The following MTMR2 variants were observed in gnomAD, a reference collection of about 807,000 sequenced individuals.
The protein encoded by MTMR2 is phosphatidylinositol-3,5-bisphosphate 3-phosphatase MTMR2.
Under a neutral mutation model 86.9 loss-of-function variants are expected in MTMR2, and 55 were observed. That is an observed-to-expected ratio of 0.63 (90% CI 0.51 to 0.79). The LOEUF is 0.79. Ranked by LOEUF, MTMR2 falls within the 30% of genes least tolerant of loss-of-function variation. The pLI, the probability that MTMR2 is intolerant of heterozygous loss-of-function variation, is 0.00. For missense variants in MTMR2, 659 were observed against 772.3 expected (o/e 0.85, Z 1.74); for synonymous variants, 241 against 266.8 (o/e 0.90, Z 0.94).
intron 12 of MTMR2, 68 bp downstream of exon 12, chr11:95,841,549 C>T (rs1222303265): frequency 1.7e-6 from 2 of 1,164,480 alleles, no homozygotes; most frequent in Non-Finnish European, 2.6e-6. Context: ...AATCAGTGAC[C>T]AAATCTCCCC....
intron 2 of MTMR2, among the ~76,000 whole-genome samples, chr11:95,868,628 T>A (rs1864728487): frequency 6.6e-6 from 1 of 152,028 alleles, no homozygotes; most frequent in Admixed American, 6.5e-5. Context: ...GTCCAATATA[T>A]AATTGATGTT....
intron 2 of MTMR2, among the ~76,000 whole-genome samples, chr11:95,875,144 C>T (rs1219872160): frequency 6.6e-6 from 1 of 152,166 alleles, no homozygotes; most frequent in Non-Finnish European, 1.5e-5. Flanking sequence ...TGTTGGCCTG[C>T]CTTGCTAGAT....
In MTMR2 at chr11:95,835,213, T is replaced by G. The variant is rs759874380; in HGVS notation, c.*77A>C. 1.8e-5 allele frequency: 27 copies of G among 1,461,380 alleles called. No homozygotes were observed. The highest frequency in any genetic ancestry group is 2.5e-5 in the Non-Finnish European group (26 of 1,047,512). The allele number at this position is 1,461,380 out of a possible 1,614,324, so 90.5% of individuals were successfully genotyped here. On this transcript the variant is annotated 3_prime_UTR_variant, in exon 15 of 15. Coordinates refer to ENST00000346299, the MANE Select transcript of MTMR2 (RefSeq NM_016156.6). ...TTTCTCTCATAGATGGGTTCTAAAT[T>G]CCGAAGACTTTCTACTCATAGAGCT...
rs1866163765 is a variant in MTMR2 at position 95,903,930 on chromosome 11, T to C, written c.81-15669A>G. 3.3e-5 allele frequency among the ~76,000 whole-genome samples: 5 copies of C among 152,160 alleles called. No individual in the cohort carries two copies. In the South Asian group the frequency reaches 8.3e-4, roughly 25 times the overall value. ...GAGATTGACACTACCCTGGCTAAGA[T>C]GGTGAAACCTCGTCTCTACTAAAAA... On this transcript the variant is annotated intron_variant, in intron 1 of 14. Coordinates refer to ENST00000346299, the MANE Select transcript of MTMR2 (RefSeq NM_016156.6).
At chr11:95,843,752 T>C (rs912058034) in intron 11 of MTMR2, among the ~76,000 whole-genome samples, 1 of 152,054 alleles carries the variant, frequency 6.6e-6, no homozygotes, top group African/African-American at 2.4e-5. Flanking sequence ...AAAATATTTT[T>C]TTTAGTTTAA....
In MTMR2 at chr11:95,877,331, C is replaced by CTTTTTTTTT. The variant is rs1565368414; in HGVS notation, c.186+10824_186+10825insAAAAAAAAA. On this transcript the variant is annotated intron_variant, in intron 2 of 14. Coordinates refer to ENST00000346299, the MANE Select transcript of MTMR2 (RefSeq NM_016156.6). ...CATTCAAGATCAAGCACAGGGAAGC[C>CTTTTTTTTT]CTTTTTTTTTTTTTTTTTTTTTTTT... Among the ~76,000 whole-genome samples the CTTTTTTTTT allele has an allele frequency of 3.6e-3, 342 of 94,676 alleles. 82 individuals are homozygous for CTTTTTTTTT. Among genetic ancestry groups the CTTTTTTTTT allele is most frequent in the African/African-American group, 0.011 (229 of 20,142 alleles). The allele number at this position is 94,676 out of a possible 152,430, so 62.1% of individuals were successfully genotyped here. A position where few individuals can be genotyped will look rare whatever the true frequency, so the allele number is the denominator to read the frequency against.
At chr11:95,895,126 A>T (rs532888659) in intron 1 of MTMR2, among the ~76,000 whole-genome samples, 15 of 152,148 alleles carry the variant, frequency 9.9e-5, no homozygotes, top group African/African-American at 3.4e-4. Flanking sequence ...AAGCATATCA[A>T]TAATACCATG....
intron 2 of MTMR2, among the ~76,000 whole-genome samples, chr11:95,882,015 T>G (rs1468018379): frequency 6.6e-6 from 1 of 152,188 alleles, no homozygotes; most frequent in Non-Finnish European, 1.5e-5. Context: ...GAGTTGATAT[T>G]GTTGGTAAGG....
Position 95,924,058 on chromosome 11 carries a change from A to G in MTMR2, c.-104T>C. 6.9e-7 allele frequency: 1 copy of G among 1,440,870 alleles called. No individual in the cohort carries two copies. The highest frequency in any genetic ancestry group is 1.2e-5 in the South Asian group (1 of 81,846). 89.3% of individuals were successfully genotyped at this position (1,440,870 alleles called of 1,614,324 possible). A position where few individuals can be genotyped will look rare whatever the true frequency, so the allele number is the denominator to read the frequency against. On this transcript the variant is annotated 5_prime_UTR_variant, in exon 1 of 15. Coordinates refer to ENST00000346299, the MANE Select transcript of MTMR2 (RefSeq NM_016156.6). ...TACGGACCGGGGCCGCAGTCAGGCCAGCGCCGGCCCGGGAGGGAGACCGGA... is the reference window on the plus strand; with the variant it reads ...TACGGACCGGGGCCGCAGTCAGGCCGGCGCCGGCCCGGGAGGGAGACCGGA...
intron 7 of MTMR2, among the ~76,000 whole-genome samples, chr11:95,853,735 T>C (rs1022499900): frequency 4.6e-5 from 7 of 152,242 alleles, no homozygotes; most frequent in Admixed American, 3.3e-4. Context: ...GACTTTATCA[T>C]TTTGTTTCAT....
chr11:95,923,123 C>G (rs984585194), intron 1 of MTMR2, among the ~76,000 whole-genome samples: 2 of 152,310 alleles, frequency 1.3e-5, no homozygotes, highest in Non-Finnish European at 2.9e-5. Context: ...TGCAAAGCTG[C>G]ATAAAGTCCT....
intron 2 of MTMR2, among the ~76,000 whole-genome samples, chr11:95,869,079 TA>T (rs999372649): frequency 1.1e-4 from 16 of 151,934 alleles, no homozygotes; most frequent in Non-Finnish European, 2.1e-4. Flanking sequence ...TAAGAACCCC[TA>T]AAAAAACTCC....
intron 2 of MTMR2, among the ~76,000 whole-genome samples, chr11:95,880,193 T>C (rs1365581904): frequency 6.6e-6 from 1 of 152,070 alleles, no homozygotes; most frequent in African/African-American, 2.4e-5. Context: ...CCTTTGGTGA[T>C]GTGGTGAAGC....
rs1863199713 is a variant in MTMR2 at position 95,835,071 on chromosome 11, A to AAAAG, written c.*215_*218dup. ...GTATTTTAATATTCTTTGGATACTT[A>AAAAG]AAAGATTAGTATCATAATCATGTAA... On this transcript the variant is annotated 3_prime_UTR_variant, in exon 15 of 15. Transcript: ENST00000346299. The AAAAG allele has an allele frequency of 3.6e-6, 2 of 555,834 alleles. No individual in the cohort carries two copies. The highest frequency in any genetic ancestry group is 3.8e-5 in the African/African-American group (2 of 52,912). The allele number at this position is 555,834 out of a possible 1,614,324, so 34.4% of individuals were successfully genotyped here. A position where few individuals can be genotyped will look rare whatever the true frequency, so the allele number is the denominator to read the frequency against.
At chr11:95,880,280 T>A (rs1261461188) in intron 2 of MTMR2, among the ~76,000 whole-genome samples, 1 of 152,122 alleles carries the variant, frequency 6.6e-6, no homozygotes, top group Non-Finnish European at 1.5e-5. Flanking sequence ...ACTGCATATA[T>A]GTCTATAATC....
intron 2 of MTMR2, among the ~76,000 whole-genome samples, chr11:95,874,964 A>T (rs1450252027): frequency 1.3e-5 from 2 of 151,956 alleles, no homozygotes; most frequent in Admixed American, 6.6e-5. Context: ...CCGAGAGATC[A>T]GCTGTTAGTC....
At position 95,849,834 on chromosome 11, in the gene MTMR2, T is replaced by C. The variant is rs1288014798; in HGVS notation, c.833A>G (p.Gln278Arg). The C allele has an allele frequency of 6.2e-7, 1 of 1,614,148 alleles. No homozygotes were observed. The highest frequency in any genetic ancestry group is 1.7e-5 in the Admixed American group (1 of 60,026). The change falls in exon 9 of 15, where the codon CAA becomes CGA. Residue 278 changes from glutamine (Q) to arginine (R), a missense_variant. Coordinates refer to ENST00000346299, the MANE Select transcript of MTMR2 (RefSeq NM_016156.6). ...PVLSWIHPESQATITRCSQPM... is the reference protein window; with the variant it reads ...PVLSWIHPESRATITRCSQPM... ...CTGGCTACACCGAGTGATTGTGGCT[T>C]GACTTTCAGGATGAATCCATGATAA...
intron 8 of MTMR2, 71 bp from the exon 9 acceptor site, chr11:95,849,933 A>G: frequency 7.1e-7 from 1 of 1,402,744 alleles, no homozygotes; most frequent in Non-Finnish European, 1.0e-6. Context: ...AACAGTACTC[A>G]GTAAAGCTCT....
chr11:95,877,331 C>CTTTTTTTTTTTT lies in MTMR2; in HGVS notation c.186+10824_186+10825insAAAAAAAAAAAA, dbSNP rs1565368414. 8.2e-4 allele frequency among the ~76,000 whole-genome samples: 78 copies of CTTTTTTTTTTTT among 94,702 alleles called. 16 individuals carry two copies. The highest frequency in any genetic ancestry group is 2.4e-3 in the African/African-American group (49 of 20,146). 62.1% of individuals were successfully genotyped at this position (94,702 alleles called of 152,430 possible). On this transcript the variant is annotated intron_variant, in intron 2 of 14. Transcript: ENST00000346299. The stretch of plus-strand genomic sequence containing the variant: ...CATTCAAGATCAAGCACAGGGAAGC[C>CTTTTTTTTTTTT]CTTTTTTTTTTTTTTTTTTTTTTTT...
Sources: allele counts gnomAD v4.1 joint callset (sites outside exome capture counted in the v4.1 genomes callset), GRCh38; gene constraint gnomAD v4.1.1; transcripts MANE v1.5; gene names NCBI Gene and HGNC (gene_info 2026-07-23, HGNC 2026-07-21).